The following SORCS3 variants were observed in gnomAD, a reference collection of about 807,000 sequenced individuals.
SORCS3 encodes the protein VPS10 domain-containing receptor SorCS3.
In SORCS3, 57 loss-of-function variants were observed where a neutral mutation model predicts 146.3. The observed-to-expected ratio is 0.39, with a 90% CI of 0.31 to 0.49. The LOEUF is 0.49. Among genes scored for constraint, SORCS3 ranks in the 20% least tolerant of loss-of-function variants. SORCS3 has a pLI of 0.92. For missense variants in SORCS3, 1,341 were observed against 1,575.5 expected (o/e 0.85, Z 2.52); for synonymous variants, 653 against 618.5 (o/e 1.06, Z -0.83).
rs187883444 is a variant in SORCS3 at position 104,722,983 on chromosome 10, T to C, written c.627+81029T>C. ...TTTTTTGTGTCTCTATTTCCTTCAG[T>C]TCTGCTCTGATCTTAGTTATTTCTT... is the stretch of plus-strand genomic sequence containing the variant. On this transcript the variant is annotated intron_variant, in intron 1 of 26. Transcript: ENST00000369701. 5.5e-3 allele frequency among the ~76,000 whole-genome samples: 838 copies of C among 152,338 alleles called. 2 individuals are homozygous for C. The highest frequency in any genetic ancestry group is 9.3e-3 in the Non-Finnish European group (636 of 68,030).
chr10:104,689,599 T>C (rs1032237786), intron 1 of SORCS3, among the ~76,000 whole-genome samples: 2 of 152,208 alleles, frequency 1.3e-5, no homozygotes, highest in Admixed American at 6.5e-5. Context: ...CCCCTTACAC[T>C]GGAAAACTAC....
At chr10:105,262,635 GC>G in intron 26 of SORCS3, 144 bp downstream of exon 26, 1 of 792,974 alleles carries the variant, frequency 1.3e-6, no homozygotes, top group Non-Finnish European at 1.9e-6. Flanking sequence ...AAATTTGTCT[GC>G]CACCTCTGGC....
Position 105,217,099 on chromosome 10 carries a change from C to T in SORCS3, c.2711C>T (p.Ala904Val). Residue 904 changes from alanine (A) to valine (V), a missense_variant, in exon 19 of 27, where the codon GCT (alanine) becomes GTT (valine). Coordinates refer to ENST00000369701, the MANE Select transcript of SORCS3 (RefSeq NM_014978.3). ...GAGAACAACCTTGGCTCAGACACAG[C>T]TGTCCTCTTCCTGCATGTGGTTTGT... ...YAENNLGSDTAVLFLHVVCPV... is the reference protein window; with the variant it reads ...YAENNLGSDTVVLFLHVVCPV... The T allele has an allele frequency of 6.2e-7, 1 of 1,614,124 alleles. No individual in the cohort carries two copies. The highest frequency in any genetic ancestry group is 8.5e-7 in the Non-Finnish European group (1 of 1,180,006).
chr10:104,740,305 T>C (rs2016826414), intron 1 of SORCS3, among the ~76,000 whole-genome samples: 1 of 152,234 alleles, frequency 6.6e-6, no homozygotes, highest in Admixed American at 6.5e-5. Context: ...ATTTGCAGTT[T>C]TGTATCCCTT....
intron 4 of SORCS3, among the ~76,000 whole-genome samples, chr10:105,027,828 A>G (rs1249015858): frequency 6.6e-6 from 1 of 152,188 alleles, no homozygotes; most frequent in Non-Finnish European, 1.5e-5. Context: ...GAGCACAAGG[A>G]GACTGTGATG....
At chr10:105,096,205 C>T (rs1380366261) in intron 6 of SORCS3, among the ~76,000 whole-genome samples, 1 of 151,998 alleles carries the variant, frequency 6.6e-6, no homozygotes, top group African/African-American at 2.4e-5. Context: ...TGAAGTATCT[C>T]CTGGGAAAGG....
intron 20 of SORCS3, among the ~76,000 whole-genome samples, chr10:105,226,203 A>G (rs2056733121): frequency 6.6e-6 from 1 of 152,126 alleles, no homozygotes; most frequent in African/African-American, 2.4e-5. Flanking sequence ...GATTTGTCAT[A>G]TAGCCTTTAC....
At chr10:104,855,909 ATTTTT>A (rs907864132) in intron 2 of SORCS3, among the ~76,000 whole-genome samples, 19 of 151,848 alleles carry the variant, frequency 1.3e-4, no homozygotes, top group African/African-American at 4.6e-4. Flanking sequence ...CTGATTTCTA[ATTTTT>A]TTGTAGAGAT....
chr10:104,861,551 T>C (rs1056064322), intron 2 of SORCS3, among the ~76,000 whole-genome samples: 2 of 152,184 alleles, frequency 1.3e-5, no homozygotes, highest in Non-Finnish European at 2.9e-5. Context: ...CTCATGACTT[T>C]GGGCACTCAT....
intron 1 of SORCS3, among the ~76,000 whole-genome samples, chr10:104,672,157 G>A (rs1336823601): frequency 6.6e-6 from 1 of 152,046 alleles, no homozygotes; most frequent in Non-Finnish European, 1.5e-5. Flanking sequence ...ACTGTTATAG[G>A]TCTATTCTGA....
intron 18 of SORCS3, among the ~76,000 whole-genome samples, chr10:105,215,922 C>G (rs1194328173): frequency 8.2e-6 from 1 of 122,098 alleles, no homozygotes; most frequent in African/African-American, 3.2e-5. Context: ...CATATAGGAT[C>G]TTTGTTTTGT....
intron 2 of SORCS3, among the ~76,000 whole-genome samples, chr10:104,903,770 G>A (rs2018876501): frequency 6.6e-6 from 1 of 152,058 alleles, no homozygotes; most frequent in South Asian, 2.1e-4. Flanking sequence ...AGTGTACAGT[G>A]GAGTTTACTA....
intron 4 of SORCS3, among the ~76,000 whole-genome samples, chr10:104,998,388 T>C (rs2055039761): frequency 6.6e-6 from 1 of 152,116 alleles, no homozygotes; most frequent in African/African-American, 2.4e-5. Flanking sequence ...TATACAGATG[T>C]GCTAAGCACT....
intron 4 of SORCS3, among the ~76,000 whole-genome samples, chr10:105,029,551 C>T (rs1589601005): frequency 6.6e-6 from 1 of 152,332 alleles, no homozygotes; most frequent in Middle Eastern, 3.4e-3. Flanking sequence ...AATTGTCTTT[C>T]AGCATTGGCA....
chr10:105,241,757 G>A lies in SORCS3; in HGVS notation c.2869-3785G>A, dbSNP rs72819915. 6.7e-3 allele frequency among the ~76,000 whole-genome samples: 1,018 copies of A among 152,230 alleles called. 9 individuals carry two copies. The highest frequency in any genetic ancestry group is 0.012 in the Non-Finnish European group (787 of 67,998). ...GTCTCCTCCCAGAAGTCAGGCCGTC[G>A]TCTTCTCTACCAACTGAGTCTGGGG... On this transcript the variant is annotated intron_variant, in intron 20 of 26. Transcript: ENST00000369701.
chr10:105,171,255 A>G (rs964194795), intron 13 of SORCS3, among the ~76,000 whole-genome samples: 3 of 152,224 alleles, frequency 2.0e-5, no homozygotes, highest in Non-Finnish European at 4.4e-5. Flanking sequence ...AACAGCATAC[A>G]AATGAATCCA....
intron 22 of SORCS3, 109 bp from the exon 23 acceptor site, chr10:105,252,666 C>T: frequency 1.5e-6 from 2 of 1,376,884 alleles, no homozygotes; most frequent in Non-Finnish European, 2.0e-6. Flanking sequence ...TAAAAAGCTG[C>T]ATTTGAAAAA....
At chr10:104,671,835 G>C (rs759905188) in intron 1 of SORCS3, among the ~76,000 whole-genome samples, 1 of 151,994 alleles carries the variant, frequency 6.6e-6, no homozygotes, top group Non-Finnish European at 1.5e-5. Flanking sequence ...ACTTGTCATG[G>C]CGTATAATCC....
intron 23 of SORCS3, among the ~76,000 whole-genome samples, chr10:105,255,185 T>G (rs1370517800): frequency 2.0e-5 from 1 of 49,774 alleles, no homozygotes; most frequent in Admixed American, 3.2e-4. Context: ...AGACTCAGTC[T>G]CAAAAAAAAA....
Sources: gnomAD v4.1 joint callset for allele counts (sites outside exome capture counted in the v4.1 genomes callset) on GRCh38, gnomAD v4.1.1 for gene constraint, MANE v1.5 for transcripts, NCBI Gene and HGNC (gene_info 2026-07-23, HGNC 2026-07-21) for gene names.